Variants in CHD9 observed in about 807,000 individuals in gnomAD.
CHD9 encodes chromodomain helicase DNA binding protein 9.
Under a neutral mutation model 316.1 loss-of-function variants are expected in CHD9, and 77 were observed. That is an observed-to-expected ratio of 0.24 (90% CI 0.20 to 0.29). CHD9 has a LOEUF of 0.29. Ranked by LOEUF, CHD9 falls within the 10% of genes least tolerant of loss-of-function variation. The probability of loss-of-function intolerance (pLI) is 1.00; values close to 1 mark genes in which losing one functional copy is unlikely to be tolerated. For synonymous variants in CHD9, 1,129 were observed against 1,158.3 expected, an observed-to-expected ratio of 0.97 and a Z score of 0.51; for missense variants, 2,763 against 3,438.1, an observed-to-expected ratio of 0.80 and a Z score of 4.91.
chr16:53,259,412 G>T (rs191154684), intron 19 of CHD9, among the ~76,000 whole-genome samples: 70 of 151,940 alleles, frequency 4.6e-4, no homozygotes, highest in Non-Finnish European at 9.0e-4. Flanking sequence ...TTTTTTTTAG[G>T]TAAACAACCA....
intron 2 of CHD9, among the ~76,000 whole-genome samples, chr16:53,158,677 C>T (rs1428757916): frequency 6.6e-6 from 1 of 151,874 alleles, no homozygotes; most frequent in Non-Finnish European, 1.5e-5. Flanking sequence ...CACTCTGTCA[C>T]CCAGTTTGAA....
chr16:53,207,324 C>A (rs920765433), intron 2 of CHD9, among the ~76,000 whole-genome samples: 7 of 152,088 alleles, frequency 4.6e-5, no homozygotes, highest in Admixed American at 2.6e-4. Flanking sequence ...TACAGTTTTA[C>A]CTGAAAAACT....
At chr16:53,171,979 G>T (rs540707345) in intron 2 of CHD9, among the ~76,000 whole-genome samples, 1 of 151,062 alleles carries the variant, frequency 6.6e-6, no homozygotes, top group Non-Finnish European at 1.5e-5. Flanking sequence ...TTTTAGTTTT[G>T]TACTCTATAA....
intron 12 of CHD9, among the ~76,000 whole-genome samples, chr16:53,240,235 T>C (rs2048976141): frequency 6.6e-6 from 1 of 152,148 alleles, no homozygotes; most frequent in African/African-American, 2.4e-5. Context: ...ACTCGTACAT[T>C]TGTAGAATTT....
intron 2 of CHD9, among the ~76,000 whole-genome samples, chr16:53,202,878 T>C (rs2045582037): frequency 6.6e-6 from 1 of 152,184 alleles, no homozygotes; most frequent in South Asian, 2.1e-4. Context: ...AGTTCACAGA[T>C]GTGAAGAAAG....
intron 2 of CHD9, among the ~76,000 whole-genome samples, chr16:53,158,777 A>C (rs528134578): frequency 2.6e-4 from 40 of 152,088 alleles, no homozygotes; most frequent in African/African-American, 9.2e-4. Context: ...AGCTGGGACT[A>C]TAGGCATGTG....
intron 7 of CHD9, 96 bp downstream of exon 7, chr16:53,227,699 C>A (rs2047772343): frequency 3.1e-6 from 1 of 318,730 alleles, no homozygotes; most frequent in Non-Finnish European, 5.4e-6. Context: ...ATTTTATCCA[C>A]ATTTTTATGA....
Position 53,307,954 on chromosome 16 carries a change from G to T in CHD9, c.7053+1G>T. On this transcript the variant is annotated splice_donor_variant, in intron 33 of 38. Transcript: ENST00000447540. LOFTEE classifies it high-confidence loss of function. ...GGAGTTTACAGTGAAAATCAAAGAC[G>T]TATGTGTATTTTTATTGCCCTAGGG... 6.3e-7 allele frequency: 1 copy of T among 1,593,212 alleles called. No homozygotes were observed. The highest frequency in any genetic ancestry group is 1.3e-5 in the African/African-American group (1 of 74,552).
chr16:53,287,934 A>G (rs1182140158), intron 26 of CHD9, 23 bp from the exon 27 acceptor site: 2 of 1,573,894 alleles, frequency 1.3e-6, no homozygotes, highest in East Asian at 4.5e-5. Context: ...CAGTAATTAT[A>G]GCATTTGTTT....
chr16:53,261,007 A>G (rs2051036399), intron 19 of CHD9, among the ~76,000 whole-genome samples: 1 of 151,574 alleles, frequency 6.6e-6, no homozygotes, highest in Admixed American at 6.6e-5. Context: ...TTTGGGGACC[A>G]TTATTCAGTT....
rs986874964 is a variant in CHD9, at chr16:53,325,043, T to C, written c.*148T>C. ...AGAAGTGCAAACTGCTTTCAGAGACTTTTTGCATGTAATATTTCTTAAGAT... is the reference window on the plus strand; with the variant it reads ...AGAAGTGCAAACTGCTTTCAGAGACCTTTTGCATGTAATATTTCTTAAGAT... On this transcript the variant is annotated 3_prime_UTR_variant, in exon 39 of 39. Transcript: ENST00000447540. The C allele has an allele frequency of 3.8e-5, 23 of 603,372 alleles. No homozygotes were observed. Among genetic ancestry groups the C allele is most frequent in the Non-Finnish European group, 5.3e-5 (19 of 357,440 alleles). 37.4% of individuals were successfully genotyped at this position (603,372 alleles called of 1,614,324 possible). A position where few individuals can be genotyped will look rare whatever the true frequency, so the allele number is the denominator to read the frequency against.
In CHD9 at chr16:53,178,290, T is replaced by A. The variant is rs895010689; in HGVS notation, c.1452+20749T>A. ...GACACAGATTTGTGAAGTTAGTTGG[T>A]GAGAGATGTGGATAGTTTGTCTGTG... On this transcript the variant is annotated intron_variant, in intron 2 of 38. Transcript: ENST00000447540. Among the ~76,000 whole-genome samples, 5 of 152,188 alleles carry A rather than the reference T, an allele frequency of 3.3e-5. 1 individual carries two copies. Among genetic ancestry groups the A allele is most frequent in the Admixed American group, 2.6e-4 (4 of 15,276 alleles).
intron 24 of CHD9, among the ~76,000 whole-genome samples, chr16:53,275,880 G>T (rs1049125007): frequency 1.3e-5 from 2 of 151,886 alleles, no homozygotes; most frequent in East Asian, 3.9e-4. Context: ...CATTTCCTTG[G>T]CCTTTATATA....
intron 2 of CHD9, among the ~76,000 whole-genome samples, chr16:53,189,762 GT>G (rs1220004111): frequency 6.6e-6 from 1 of 152,020 alleles, no homozygotes; most frequent in Non-Finnish European, 1.5e-5. Flanking sequence ...TCAGACTTTA[GT>G]GCATTTGTAG....
intron 1 of CHD9, among the ~76,000 whole-genome samples, chr16:53,123,497 C>CATT (rs199538310): frequency 2.6e-5 from 4 of 151,492 alleles, no homozygotes; most frequent in Admixed American, 6.6e-5. Flanking sequence ...TTTTAATTTT[C>CATT]ATTATTATTA....
intron 1 of CHD9, among the ~76,000 whole-genome samples, chr16:53,073,315 C>T (rs770713791): frequency 6.6e-6 from 1 of 152,318 alleles, no homozygotes. Flanking sequence ...TCAGCATTTC[C>T]TTCCTTTTAA....
At chr16:53,161,989 A>G (rs528353296) in intron 2 of CHD9, among the ~76,000 whole-genome samples, 3 of 152,280 alleles carry the variant, frequency 2.0e-5, no homozygotes, top group East Asian at 3.9e-4. Flanking sequence ...CCTGAGCTCA[A>G]GTGATCCACC....
At chr16:53,175,017 A>G (rs542339807) in intron 2 of CHD9, among the ~76,000 whole-genome samples, 4 of 152,276 alleles carry the variant, frequency 2.6e-5, no homozygotes, top group Admixed American at 2.0e-4. Flanking sequence ...GACCAGCGCA[A>G]TCTTTTGTAT....
intron 22 of CHD9, among the ~76,000 whole-genome samples, chr16:53,270,591 T>C (rs769021869): frequency 3.9e-5 from 6 of 152,082 alleles, no homozygotes; most frequent in Non-Finnish European, 8.8e-5. Flanking sequence ...TGGCCATGAG[T>C]TGATAATTAT....
Sources: gnomAD v4.1 joint callset for allele counts (sites outside exome capture counted in the v4.1 genomes callset) on GRCh38, gnomAD v4.1.1 for gene constraint, MANE v1.5 for transcripts, NCBI Gene and HGNC (gene_info 2026-07-23, HGNC 2026-07-21) for gene names.